Variants in FAM120C observed in about 807,000 individuals in gnomAD.
The protein encoded by FAM120C is family with sequence similarity 120 member C, also known as constitutive coactivator of PPAR-gamma-like protein 2.
In FAM120C, 14 loss-of-function variants were observed where a neutral mutation model predicts 71.2. The ratio of observed to expected loss-of-function variants is 0.20; its 90% confidence interval spans 0.13 to 0.31. FAM120C has a LOEUF of 0.31. Ranked by LOEUF, FAM120C falls within the 10% of genes least tolerant of loss-of-function variation. The probability of loss-of-function intolerance (pLI) is 1.00; values close to 1 mark genes in which losing one functional copy is unlikely to be tolerated. For missense variants in FAM120C, 500 were observed against 879.0 expected (o/e 0.57, Z 5.45); for synonymous variants, 354 against 353.2 (o/e 1.00, Z -0.03).
Position 54,072,001 on chromosome X carries a change from CATAT to C in FAM120C, c.*1028_*1031del, listed in dbSNP as rs1181737987. On this transcript the variant is annotated 3_prime_UTR_variant, in exon 16 of 16. Coordinates refer to ENST00000375180, the MANE Select transcript of FAM120C (RefSeq NM_017848.6). ...ATATGTGTGTATATATATATACACA[CATAT>C]ATACACACATACACACACACTTACA... 9.7e-6 allele frequency: 1 copy of C among 102,573 alleles called. No homozygotes were observed. Among genetic ancestry groups the C allele is most frequent in the African/African-American group, 3.6e-5 (1 of 28,033 alleles). 8.5% of individuals were successfully genotyped at this position (102,573 alleles called of 1,213,427 possible).
intron 4 of FAM120C, among the ~76,000 whole-genome samples, chrX:54,142,205 A>C (rs1603360730): frequency 9.0e-6 from 1 of 111,594 alleles, no homozygotes; most frequent in Non-Finnish European, 1.9e-5. Flanking sequence ...TTTCCAACTG[A>C]GGTAGTGGGT....
intron 9 of FAM120C, among the ~76,000 whole-genome samples, chrX:54,126,869 C>T (rs1441171980): frequency 8.8e-6 from 1 of 112,996 alleles, no homozygotes; most frequent in Admixed American, 9.4e-5. Flanking sequence ...AGAATTTTTG[C>T]ATCCATATTG....
At chrX:54,144,343 G>T (rs1445883661) in intron 4 of FAM120C, among the ~76,000 whole-genome samples, 7 of 111,158 alleles carry the variant, frequency 6.3e-5, no homozygotes, top group African/African-American at 2.3e-4. Flanking sequence ...AGAAATAAAG[G>T]GTATTCAATT....
rs781892399 is a variant in FAM120C, at chrX:54,183,023, C to A, written c.176G>T (p.Gly59Val). ...AAGCGGCGGTTGCAGAGGCACGGAG[C>A]CCCTGGCGGCGCGTGGAGCCCCGGG... ...LAPGAPRAARGSVPLQPPLPP... is the reference protein window; with the variant it reads ...LAPGAPRAARVSVPLQPPLPP... Residue 59 changes from glycine (G) to valine (V), a missense_variant, in exon 1 of 16, where the codon GGC becomes GTC. This residue lies in a region of FAM120C where 79 missense variants were observed against 78.3 expected (regional missense o/e 1.01). Transcript: ENST00000375180. 1.3e-4 allele frequency: 148 copies of A among 1,156,269 alleles called. No homozygotes were observed. The highest frequency in any genetic ancestry group is 1.6e-4 in the Non-Finnish European group (137 of 870,931).
chrX:54,109,937 C>G (rs1557125423), intron 10 of FAM120C, among the ~76,000 whole-genome samples: 1 of 104,254 alleles, frequency 9.6e-6, no homozygotes, highest in Non-Finnish European at 1.9e-5. Flanking sequence ...ACAGCATGTA[C>G]AAAATATCTA....
At chrX:54,167,471 A>G (rs1221126835) in intron 1 of FAM120C, among the ~76,000 whole-genome samples, 1 of 111,839 alleles carries the variant, frequency 8.9e-6, no homozygotes, top group Non-Finnish European at 1.9e-5. Context: ...ACGACTATCT[A>G]TAGCTTTTAA....
chrX:54,072,837 T>C lies in FAM120C; in HGVS notation c.*196A>G. ...CTGCCATTCATCTTTGACCAGAACT[T>C]CTCCAGAAACAGACCACTGAATCTG... On this transcript the variant is annotated 3_prime_UTR_variant, in exon 16 of 16. Coordinates refer to ENST00000375180, the MANE Select transcript of FAM120C (RefSeq NM_017848.6). 4.6e-6 allele frequency: 2 copies of C among 430,283 alleles called. No individual in the cohort carries two copies. Among genetic ancestry groups the C allele is most frequent in the South Asian group, 1.1e-4 (2 of 17,927 alleles). 35.5% of individuals were successfully genotyped at this position (430,283 alleles called of 1,213,427 possible).
chrX:54,114,444 T>G (rs182189195), intron 10 of FAM120C, among the ~76,000 whole-genome samples: 2,668 of 105,834 alleles, frequency 0.025, 27 homozygotes, highest in Non-Finnish European at 0.036. Context: ...GTTTTTTTGG[T>G]TTTTTTTTGT....
At chrX:54,133,138 G>A (rs1557129730) in intron 8 of FAM120C, among the ~76,000 whole-genome samples, 1 of 111,367 alleles carries the variant, frequency 9.0e-6, no homozygotes, top group East Asian at 2.8e-4. Context: ...GATCACCTGA[G>A]GTCAGGAGTT....
intron 12 of FAM120C, among the ~76,000 whole-genome samples, 177 bp from the exon 13 acceptor site, chrX:54,086,093 G>C (rs934282504): frequency 9.0e-6 from 1 of 111,454 alleles, no homozygotes; most frequent in Non-Finnish European, 1.9e-5. Context: ...TGGCACCAAA[G>C]CCCCGACTCT....
chrX:54,118,532 T>A (rs1235757560), intron 9 of FAM120C, among the ~76,000 whole-genome samples: 1 of 109,512 alleles, frequency 9.1e-6, no homozygotes, highest in Non-Finnish European at 1.9e-5. Context: ...GACAAAGTAT[T>A]TTCCAGAATG....
At chrX:54,086,219 C>G (rs1175022267) in intron 12 of FAM120C, among the ~76,000 whole-genome samples, 4 of 111,419 alleles carry the variant, frequency 3.6e-5, no homozygotes, top group Non-Finnish European at 7.5e-5. Flanking sequence ...TATTACATGG[C>G]CGGCATTGGG....
intron 4 of FAM120C, among the ~76,000 whole-genome samples, chrX:54,150,439 T>C (rs1232765759): frequency 8.9e-6 from 1 of 112,292 alleles, no homozygotes; most frequent in Non-Finnish European, 1.9e-5. Context: ...AATGTTAAGT[T>C]GAACCAACGT....
intron 4 of FAM120C, among the ~76,000 whole-genome samples, chrX:54,141,091 A>G (rs2067124139): frequency 8.9e-6 from 1 of 112,151 alleles, no homozygotes; most frequent in East Asian, 2.8e-4. Context: ...CTACCAAACA[A>G]TTAAAGAAGA....
intron 10 of FAM120C, among the ~76,000 whole-genome samples, chrX:54,109,961 C>A (rs782696560): frequency 4.6e-5 from 5 of 108,571 alleles, no homozygotes; most frequent in Non-Finnish European, 9.5e-5. Flanking sequence ...TATTAAGGAC[C>A]TGATATGGAA....
At chrX:54,146,774 G>A (rs1557132437) in intron 4 of FAM120C, among the ~76,000 whole-genome samples, 1 of 112,122 alleles carries the variant, frequency 8.9e-6, no homozygotes, top group African/African-American at 3.2e-5. Flanking sequence ...TGTATTACTG[G>A]TAAAAGGATA....
chrX:54,095,342 C>CT (rs1557123112), intron 10 of FAM120C, among the ~76,000 whole-genome samples: 1 of 100,597 alleles, frequency 9.9e-6, no homozygotes, highest in African/African-American at 3.6e-5. Context: ...GTAGCTCCCC[C>CT]TTTACTCCAC....
At chrX:54,088,638 A>G (rs782565664) in intron 11 of FAM120C, among the ~76,000 whole-genome samples, 1 of 108,970 alleles carries the variant, frequency 9.2e-6, no homozygotes, top group African/African-American at 3.3e-5. Context: ...GTATATTACA[A>G]TTAAGCAATA....
At chrX:54,136,946 A>T (rs1269328655) in intron 4 of FAM120C, among the ~76,000 whole-genome samples, 3 of 107,201 alleles carry the variant, frequency 2.8e-5, no homozygotes, top group East Asian at 2.9e-4. Flanking sequence ...TTATTATTTT[A>T]TTATTATTAT....
Sources: allele counts gnomAD v4.1 joint callset (sites outside exome capture counted in the v4.1 genomes callset), GRCh38; gene constraint gnomAD v4.1.1; regional missense constraint gnomAD v4.1.1; transcripts MANE v1.5; gene names NCBI Gene and HGNC (gene_info 2026-07-23, HGNC 2026-07-21).